ACTR3C: variants seen among roughly 807,000 people sequenced by gnomAD.
ACTR3C encodes the protein actin-related protein 3C.
In ACTR3C, 18 loss-of-function variants were observed where a neutral mutation model predicts 26.3. That is an observed-to-expected ratio of 0.68 (90% CI 0.47 to 1.01). The LOEUF (loss-of-function observed/expected upper bound fraction) is 1.01, where lower values mean the gene tolerates loss of function less well. Among genes scored for constraint, ACTR3C ranks in the 50% least tolerant of loss-of-function variants. ACTR3C has a pLI of 0.00. For missense variants in ACTR3C, 184 were observed against 250.7 expected (o/e 0.73, Z 1.80); for synonymous variants, 55 against 94.5 (o/e 0.58, Z 2.42).
At chr7:150,042,580 G>C in the ACTR3C span, among the ~76,000 whole-genome samples, 1 of 147,082 alleles carries the variant, frequency 6.8e-6, no homozygotes, top group Non-Finnish European at 1.5e-5. Context: ...GCCTCGCGGG[G>C]GGTGCCTCCC....
chr7:149,885,378 AG>A, the ACTR3C span, among the ~76,000 whole-genome samples: 1 of 152,204 alleles, frequency 6.6e-6, no homozygotes, highest in African/African-American at 2.4e-5. Context: ...CCAAGCCGCC[AG>A]GGACTTCCAG....
the ACTR3C span, among the ~76,000 whole-genome samples, chr7:150,206,301 A>G: frequency 6.6e-6 from 1 of 152,126 alleles, no homozygotes; most frequent in African/African-American, 2.4e-5. Context: ...TGGCTCAACT[A>G]GTGGCTTTAT....
the ACTR3C span, among the ~76,000 whole-genome samples, chr7:150,025,762 C>T: frequency 9.9e-5 from 15 of 152,080 alleles, no homozygotes; most frequent in African/African-American, 3.6e-4. Flanking sequence ...CGGCTTATTG[C>T]CTAATTCCCT....
chr7:149,966,577 C>T, the ACTR3C span, among the ~76,000 whole-genome samples: 1 of 152,110 alleles, frequency 6.6e-6, no homozygotes, highest in African/African-American at 2.4e-5. Flanking sequence ...AGGAAACTGG[C>T]CTACAGTTTA....
the ACTR3C span, among the ~76,000 whole-genome samples, chr7:149,991,025 G>A: frequency 6.6e-6 from 1 of 152,144 alleles, no homozygotes; most frequent in African/African-American, 2.4e-5. Flanking sequence ...CCAAGACTGG[G>A]TAATTTATAA....
chr7:150,227,688 G>GTGTTTTTTTCTTTTTTTTTTTTTTTTTTT, the ACTR3C span, among the ~76,000 whole-genome samples: 1 of 111,388 alleles, frequency 9.0e-6, no homozygotes, highest in East Asian at 2.7e-4. Context: ...TTGTGTCTGG[G>GTGTTTTTTTCTTTTTTTTTTTTTTTTTTT]TTTTTTTTTT....
the ACTR3C span, among the ~76,000 whole-genome samples, chr7:149,939,221 T>C: frequency 2.6e-5 from 4 of 152,018 alleles, no homozygotes; most frequent in South Asian, 8.3e-4. Flanking sequence ...CTCAGGTGAT[T>C]CACCTGCCTC....
chr7:150,037,486 A>C, the ACTR3C span, among the ~76,000 whole-genome samples: 1 of 45,848 alleles, frequency 2.2e-5, no homozygotes, highest in African/African-American at 7.1e-5. Flanking sequence ...TGGGGGTAGC[A>C]ACAGCCGGGG....
At chr7:150,124,068 A>G in the ACTR3C span, among the ~76,000 whole-genome samples, 1 of 151,276 alleles carries the variant, frequency 6.6e-6, no homozygotes, top group South Asian at 2.1e-4. Flanking sequence ...GATGAATTAC[A>G]CTCCCTCCTT....
Position 150,301,396 on chromosome 7 carries a change from C to A in ACTR3C, c.-51-6049G>T, listed in dbSNP as rs1201610506. On this transcript the variant is annotated intron_variant, in intron 1 of 7. Transcript: ENST00000683684. ...ACATCACCAACAAGAATCAGATTAA[C>A]CCTGGCTCCCTGCATTCTCTCTGGG... 1.1e-4 allele frequency among the ~76,000 whole-genome samples: 17 copies of A among 152,292 alleles called. No homozygotes were observed. In the East Asian group the frequency reaches 3.1e-3, roughly 28 times the overall value.
the ACTR3C span, among the ~76,000 whole-genome samples, chr7:150,203,147 A>G: frequency 2.0e-5 from 3 of 152,222 alleles, no homozygotes; most frequent in Non-Finnish European, 4.4e-5. Flanking sequence ...GAAATGCAGA[A>G]TCTTGGGCTC....
At chr7:150,024,143 C>T in the ACTR3C span, among the ~76,000 whole-genome samples, 1,622 of 150,790 alleles carry the variant, frequency 0.011, 49 homozygotes, top group African/African-American at 0.038. Flanking sequence ...TCAGAGAGGC[C>T]GCCCAGGGCA....
chr7:150,076,650 C>T, the ACTR3C span: 2 of 152,166 alleles, frequency 1.3e-5, no homozygotes, highest in African/African-American at 2.4e-5. Flanking sequence ...AGAATAATCA[C>T]AACTTCAAAG....
intron 6 of ACTR3C, among the ~76,000 whole-genome samples, chr7:150,267,401 C>T (rs1219802785): frequency 2.0e-5 from 3 of 152,200 alleles, no homozygotes; most frequent in East Asian, 1.9e-4. Context: ...CACTCTGTCC[C>T]GCTTAGGGCA....
At chr7:150,145,461 C>T in the ACTR3C span, among the ~76,000 whole-genome samples, 1 of 150,294 alleles carries the variant, frequency 6.7e-6, no homozygotes, top group Non-Finnish European at 1.5e-5. Flanking sequence ...CTCATTTCAA[C>T]AGGCAGCACC....
chr7:150,042,099 G>T, the ACTR3C span, among the ~76,000 whole-genome samples: 1 of 95,854 alleles, frequency 1.0e-5, no homozygotes, highest in African/African-American at 3.7e-5. Flanking sequence ...TGCCTCGCGG[G>T]GGGTGCCTCC....
the ACTR3C span, among the ~76,000 whole-genome samples, chr7:150,221,142 C>A: frequency 2.0e-5 from 3 of 152,260 alleles, no homozygotes; most frequent in Non-Finnish European, 4.4e-5. Flanking sequence ...GCAGGCGCTG[C>A]GCGCGGAGGC....
the ACTR3C span, among the ~76,000 whole-genome samples, chr7:149,990,744 G>A: frequency 6.6e-6 from 1 of 151,916 alleles, no homozygotes; most frequent in Non-Finnish European, 1.5e-5. Flanking sequence ...CTCTGAGTAA[G>A]AAACAAGGGC....
intron 6 of ACTR3C, among the ~76,000 whole-genome samples, chr7:150,280,569 G>A (rs1367051923): frequency 6.6e-6 from 1 of 152,180 alleles, no homozygotes; most frequent in Non-Finnish European, 1.5e-5. Flanking sequence ...GGCAAGCTCT[G>A]AAGGCCTAAT....
Sources: gnomAD v4.1 joint callset for allele counts (sites outside exome capture counted in the v4.1 genomes callset) on GRCh38, gnomAD v4.1.1 for gene constraint, MANE v1.5 for transcripts, NCBI Gene and HGNC (gene_info 2026-07-23, HGNC 2026-07-21) for gene names.